Variants in TGFBR3 observed in about 807,000 individuals in gnomAD.
TGFBR3 encodes transforming growth factor beta receptor type 3.
TGFBR3 carries 46 observed loss-of-function variants against 87.9 expected under a neutral mutation model. The observed-to-expected ratio is 0.52, with a 90% CI of 0.41 to 0.67. The LOEUF (loss-of-function observed/expected upper bound fraction) is 0.67. Ranked by LOEUF, TGFBR3 falls within the 30% of genes least tolerant of loss-of-function variation. The pLI is 0.00. For synonymous variants in TGFBR3, 381 were observed against 391.6 expected, an observed-to-expected ratio of 0.97 and a Z score of 0.32; for missense variants, 866 against 1,041.9, an observed-to-expected ratio of 0.83 and a Z score of 2.32.
chr1:91,743,605 TC>T (rs1430504867), intron 4 of TGFBR3, among the ~76,000 whole-genome samples: 1 of 152,220 alleles, frequency 6.6e-6, no homozygotes, highest in East Asian at 1.9e-4. Context: ...ACTAGAAGGT[TC>T]CTTCAGAGGC....
chr1:91,754,772 A>G (rs935563531), intron 4 of TGFBR3, among the ~76,000 whole-genome samples: 8 of 152,164 alleles, frequency 5.3e-5, no homozygotes, highest in African/African-American at 1.9e-4. Context: ...ACTAATTATG[A>G]AAGTTTTCCT....
At chr1:91,903,656 G>C (rs910791266) in intron 1 of TGFBR3, among the ~76,000 whole-genome samples, 1 of 152,056 alleles carries the variant, frequency 6.6e-6, no homozygotes, top group Admixed American at 6.6e-5. Context: ...AGGATCGTTT[G>C]AGCTTAGGAG....
intron 2 of TGFBR3, among the ~76,000 whole-genome samples, chr1:91,808,038 T>C (rs1160764664): frequency 6.6e-6 from 1 of 152,226 alleles, no homozygotes; most frequent in Non-Finnish European, 1.5e-5. Flanking sequence ...TTTAGAATGA[T>C]TAATAAAATA....
intron 2 of TGFBR3, chr1:91,830,008 C>T (rs2489190): frequency 0.45 from 68,652 of 151,940 alleles, 15,732 homozygotes; most frequent in East Asian, 0.61. Context: ...CCAGAACTCC[C>T]GGGCTCAAGT....
At chr1:91,778,543 A>G (rs919326858) in intron 3 of TGFBR3, among the ~76,000 whole-genome samples, 5 of 152,334 alleles carry the variant, frequency 3.3e-5, no homozygotes, top group African/African-American at 1.2e-4. Flanking sequence ...TGCCCAAGCC[A>G]TACATACCAA....
At position 91,797,487 on chromosome 1, in the gene TGFBR3, CA is replaced by C; in HGVS notation, c.62-17del. ...GGCTCTGGACCTGCCAAGGGAATCA[CA>C]AACACAAGCCACTCAGAAACAGCAA... On this transcript the variant is annotated splice_polypyrimidine_tract_variant and intron_variant, in intron 2 of 16. Transcript: ENST00000212355. The C allele has an allele frequency of 6.2e-7, 1 of 1,613,918 alleles. No homozygotes were observed.
chr1:91,707,060 T>C (rs1254287630), intron 14 of TGFBR3, among the ~76,000 whole-genome samples: 1 of 152,190 alleles, frequency 6.6e-6, no homozygotes, highest in Non-Finnish European at 1.5e-5. Flanking sequence ...GAAAAATGAA[T>C]TAAAGATTAT....
chr1:91,755,668 CTGA>C lies in TGFBR3; in HGVS notation c.384+2942_384+2944del, dbSNP rs547837425. ...CCTTCTTTCATTGTTAGTGTCTAAA[CTGA>C]TGACCAAGAAGCAGTTTTTACAGAT... On this transcript the variant is annotated intron_variant, in intron 4 of 16. Coordinates refer to ENST00000212355, the MANE Select transcript of TGFBR3 (RefSeq NM_003243.5). 3.8e-3 allele frequency among the ~76,000 whole-genome samples: 572 copies of C among 152,260 alleles called. 3 individuals carry two copies. The highest frequency in any genetic ancestry group is 5.9e-3 in the Non-Finnish European group (404 of 68,020).
At chr1:91,823,845 A>G (rs1676538997) in intron 2 of TGFBR3, among the ~76,000 whole-genome samples, 1 of 152,218 alleles carries the variant, frequency 6.6e-6, no homozygotes. Context: ...AATGTGTGCA[A>G]TTTGCTGGGT....
At chr1:91,794,676 T>C (rs1041705166) in intron 3 of TGFBR3, among the ~76,000 whole-genome samples, 36 of 152,356 alleles carry the variant, frequency 2.4e-4, no homozygotes, top group African/African-American at 7.5e-4. Flanking sequence ...TTTTTTCATT[T>C]AGTGGATTTT....
chr1:91,695,607 T>C (rs1671407565), intron 16 of TGFBR3, 65 bp downstream of exon 16: 14 of 1,219,890 alleles, frequency 1.1e-5, no homozygotes, highest in Admixed American at 1.7e-5. Flanking sequence ...AACAAAACAC[T>C]GAGTGTCTAT....
chr1:91,775,278 T>A (rs181862002), intron 3 of TGFBR3, among the ~76,000 whole-genome samples: 1 of 152,160 alleles, frequency 6.6e-6, no homozygotes. Context: ...AAGAAACAAC[T>A]TCTTACTCCG....
intron 2 of TGFBR3, among the ~76,000 whole-genome samples, chr1:91,858,329 T>C (rs1678039950): frequency 6.6e-6 from 1 of 151,958 alleles, no homozygotes. Context: ...AAAATTTTTT[T>C]TGCAGCCAGG....
intron 4 of TGFBR3, among the ~76,000 whole-genome samples, chr1:91,753,231 C>T (rs1673616805): frequency 6.8e-6 from 1 of 148,032 alleles, no homozygotes; most frequent in Non-Finnish European, 1.5e-5. Context: ...ACAAAAAATA[C>T]CAAAAAAAAT....
At position 91,807,391 on chromosome 1, in the gene TGFBR3, C is replaced by A. The variant is rs118119182; in HGVS notation, c.62-9920G>T. Among the ~76,000 whole-genome samples the A allele has an allele frequency of 1.5e-3, 232 of 152,318 alleles. 4 individuals are homozygous for A. The East Asian group carries it at 0.037, about 25-fold the overall frequency. ...TTCACCCTCCAAGCAAAATCTACAT[C>A]CAAACCTTCCTCCTAACAAACTAAC... On this transcript the variant is annotated intron_variant, in intron 2 of 16. Coordinates refer to ENST00000212355, the MANE Select transcript of TGFBR3 (RefSeq NM_003243.5).
chr1:91,692,963 C>A (rs554428416), intron 16 of TGFBR3, among the ~76,000 whole-genome samples: 71 of 152,342 alleles, frequency 4.7e-4, no homozygotes, highest in African/African-American at 1.6e-3. Context: ...ACAGCATATA[C>A]GATCTGTGAG....
upstream of TGFBR3, among the ~76,000 whole-genome samples, chr1:91,889,974 AT>A (rs533338503): frequency 2.6e-4 from 39 of 152,234 alleles, no homozygotes; most frequent in East Asian, 7.5e-3. Flanking sequence ...CCAACCTCTT[AT>A]TAATGGCAAT....
At chr1:91,684,317 T>C (rs914383816) in intron 16 of TGFBR3, among the ~76,000 whole-genome samples, 3 of 152,234 alleles carry the variant, frequency 2.0e-5, no homozygotes, top group African/African-American at 7.2e-5. Flanking sequence ...TTGGGAGCCT[T>C]GTTCTGAATG....
rs369386002 is a variant in TGFBR3, at chr1:91,710,000, G to C, written c.2167-1217C>G. Among the ~76,000 whole-genome samples the C allele has an allele frequency of 1.2e-4, 19 of 152,226 alleles. No individual in the cohort carries two copies. In the East Asian group the frequency reaches 2.7e-3, roughly 22 times the overall value. On this transcript the variant is annotated intron_variant, in intron 13 of 16. Transcript: ENST00000212355. Reference sequence around the variant, plus strand: ...TCTCGAACTCCCAGCAAGCTGCCAAGCTCAGCCTCCCAAAGTGCTAGGATG... The same window carrying C: ...TCTCGAACTCCCAGCAAGCTGCCAACCTCAGCCTCCCAAAGTGCTAGGATG...
Sources: allele counts gnomAD v4.1 joint callset (sites outside exome capture counted in the v4.1 genomes callset), GRCh38; gene constraint gnomAD v4.1.1; transcripts MANE v1.5; gene names NCBI Gene and HGNC (gene_info 2026-07-23, HGNC 2026-07-21).